Variants in SEMA6A observed in about 807,000 individuals in gnomAD.
SEMA6A encodes semaphorin-6A.
SEMA6A carries 25 observed loss-of-function variants against 96.8 expected under a neutral mutation model. The observed-to-expected ratio is 0.26, with a 90% CI of 0.19 to 0.36. The LOEUF (loss-of-function observed/expected upper bound fraction) is 0.36. SEMA6A is among the 10% of genes least tolerant of loss of function. The probability of loss-of-function intolerance (pLI) is 1.00; values close to 1 mark genes in which losing one functional copy is unlikely to be tolerated. For missense variants in SEMA6A, 1,363 were observed against 1,323.1 expected (o/e 1.03, Z -0.47); for synonymous variants, 612 against 518.0 (o/e 1.18, Z -2.46).
intron 18 of SEMA6A, among the ~76,000 whole-genome samples, chr5:116,450,779 G>A (rs1754576823): frequency 6.6e-6 from 1 of 152,182 alleles, no homozygotes; most frequent in African/African-American, 2.4e-5. Flanking sequence ...TGGGGAGGCA[G>A]AGGGCTTTCC....
chr5:116,460,641 G>A (rs543428456), intron 18 of SEMA6A, among the ~76,000 whole-genome samples: 1 of 152,222 alleles, frequency 6.6e-6, no homozygotes, highest in Non-Finnish European at 1.5e-5. Flanking sequence ...TTATTCAGGT[G>A]TATCTGCAAT....
In SEMA6A at chr5:116,447,580, A is replaced by G. The variant is rs1561459625; in HGVS notation, c.2126T>C (p.Phe709Ser). Residue 709 changes from phenylalanine (F) to serine (S), a missense_variant, in exon 19 of 19, where the codon TTT (phenylalanine) becomes TCT (serine). Physicochemically the swap from Phe to Ser is radical, Grantham distance 155 (BLOSUM62 -2). Transcript: ENST00000343348. ...TGGGTCTTTGGATTGAGTGTCCCCA[A>G]AGAGGCCGCTGAGCTTGGTGACGCT... is the stretch of plus-strand genomic sequence containing the variant. ...MSSVTKLSGLFGDTQSKDPKP... is the reference protein window; with the variant it reads ...MSSVTKLSGLSGDTQSKDPKP... The G allele has an allele frequency of 1.9e-6, 3 of 1,613,918 alleles. No individual in the cohort carries two copies. Among genetic ancestry groups the G allele is most frequent in the South Asian group, 1.1e-5 (1 of 91,092 alleles).
intron 9 of SEMA6A, 90 bp from the exon 10 acceptor site, chr5:116,487,056 AAAC>A (rs1430103386): frequency 1.6e-5 from 14 of 900,894 alleles, no homozygotes; most frequent in Middle Eastern, 3.3e-4. Context: ...AACAGAAACA[AAAC>A]AACAAGGTGC....
At chr5:116,554,074 G>A (rs1002510504) in intron 1 of SEMA6A, among the ~76,000 whole-genome samples, 1 of 152,116 alleles carries the variant, frequency 6.6e-6, no homozygotes, top group East Asian at 1.9e-4. Flanking sequence ...GTAGGAAAGG[G>A]CTTTCTACTG....
chr5:116,482,720 A>T (rs749407900), intron 10 of SEMA6A, 145 bp from the exon 11 acceptor site: 61 of 716,516 alleles, frequency 8.5e-5, no homozygotes, highest in Non-Finnish European at 4.9e-5. Context: ...GGATCTTAGT[A>T]CACAAAGAAA....
chr5:116,491,640 A>C, intron 7 of SEMA6A, 100 bp downstream of exon 7: 1 of 863,628 alleles, frequency 1.2e-6, no homozygotes, highest in Admixed American at 1.9e-5. Flanking sequence ...CCAGAGAATC[A>C]AAGCACAACT....
In SEMA6A at chr5:116,451,575, A is replaced by G. The variant is rs935640637; in HGVS notation, c.1895-3764T>C. Among the ~76,000 whole-genome samples, 3 of 152,204 alleles carry G rather than the reference A, an allele frequency of 2.0e-5. No homozygotes were observed. The East Asian group carries it at 5.8e-4, about 29-fold the overall frequency. ...GGAGTGCAAATCCTGGGCAAGTACC[A>G]CATTTTTTCGGCATTTATAACCCTT... On this transcript the variant is annotated intron_variant, in intron 18 of 18. Transcript: ENST00000343348.
At chr5:116,493,637 G>A (rs1757436588) in intron 6 of SEMA6A, among the ~76,000 whole-genome samples, 3 of 152,094 alleles carry the variant, frequency 2.0e-5, no homozygotes, top group African/African-American at 4.8e-5. Flanking sequence ...CCAAGTGTAA[G>A]ATGGAAGATA....
chr5:116,474,892 C>A (rs182089240), intron 16 of SEMA6A, among the ~76,000 whole-genome samples: 6 of 152,038 alleles, frequency 3.9e-5, no homozygotes, highest in Non-Finnish European at 7.4e-5. Context: ...TGATATTAAT[C>A]GGGTCACATG....
chr5:116,448,994 C>T (rs916973309), intron 18 of SEMA6A, among the ~76,000 whole-genome samples: 1 of 152,180 alleles, frequency 6.6e-6, no homozygotes, highest in Admixed American at 6.5e-5. Flanking sequence ...TACACCCATC[C>T]GTAATCTTAC....
chr5:116,565,937 G>A (rs1011482229), intron 1 of SEMA6A, among the ~76,000 whole-genome samples: 3 of 152,280 alleles, frequency 2.0e-5, no homozygotes, highest in Admixed American at 1.3e-4. Context: ...GCGGGGAAGT[G>A]CTGAAGTCGC....
At chr5:116,570,062 C>A (rs529696867) in intron 1 of SEMA6A, among the ~76,000 whole-genome samples, 1 of 152,264 alleles carries the variant, frequency 6.6e-6, no homozygotes, top group Non-Finnish European at 1.5e-5. Context: ...AAGCAAGATA[C>A]CCTTGTGTAT....
chr5:116,466,509 G>T (rs900112253), intron 18 of SEMA6A, among the ~76,000 whole-genome samples: 2 of 152,102 alleles, frequency 1.3e-5, no homozygotes, highest in African/African-American at 4.8e-5. Context: ...TTTTGACTTG[G>T]CAAATAGAGC....
intron 6 of SEMA6A, among the ~76,000 whole-genome samples, chr5:116,494,146 C>T (rs978672750): frequency 6.6e-6 from 1 of 152,214 alleles, no homozygotes; most frequent in African/African-American, 2.4e-5. Flanking sequence ...ATCCCTGGGG[C>T]TATCTACATC....
chr5:116,525,887 A>G (rs1344314570), intron 1 of SEMA6A, among the ~76,000 whole-genome samples: 1 of 152,212 alleles, frequency 6.6e-6, no homozygotes, highest in African/African-American at 2.4e-5. Flanking sequence ...CTATATGAGC[A>G]AGGAACTGTT....
intron 1 of SEMA6A, among the ~76,000 whole-genome samples, chr5:116,514,242 C>A (rs1051734918): frequency 6.6e-6 from 1 of 152,206 alleles, no homozygotes; most frequent in Non-Finnish European, 1.5e-5. Flanking sequence ...AATTTACACT[C>A]CCACCAACAG....
intron 1 of SEMA6A, among the ~76,000 whole-genome samples, chr5:116,566,120 A>T (rs537921533): frequency 6.6e-6 from 1 of 152,204 alleles, no homozygotes; most frequent in Non-Finnish European, 1.5e-5. Context: ...TTATTTTCCA[A>T]TGGCATGTTT....
intron 5 of SEMA6A, 61 bp downstream of exon 5, chr5:116,496,190 G>A: frequency 7.5e-7 from 1 of 1,338,580 alleles, no homozygotes; most frequent in Non-Finnish European, 1.1e-6. Context: ...TCTATGGCTG[G>A]AGATAACAGT....
intron 1 of SEMA6A, among the ~76,000 whole-genome samples, 170 bp from the exon 2 acceptor site, chr5:116,505,152 T>C (rs1223355134): frequency 6.6e-6 from 1 of 152,190 alleles, no homozygotes; most frequent in Non-Finnish European, 1.5e-5. Flanking sequence ...TACCTACTGC[T>C]ACCTCCTTCC....
Sources: gnomAD v4.1 joint callset for allele counts (sites outside exome capture counted in the v4.1 genomes callset) on GRCh38, gnomAD v4.1.1 for gene constraint, MANE v1.5 for transcripts, NCBI Gene and HGNC (gene_info 2026-07-23, HGNC 2026-07-21) for gene names.